LIFR: variants seen among roughly 807,000 people sequenced by gnomAD.
The protein encoded by LIFR is LIF receptor subunit alpha, also known as leukemia inhibitory factor receptor.
In LIFR, 84 loss-of-function variants were observed where a neutral mutation model predicts 122.2. That is an observed-to-expected ratio of 0.69 (90% CI 0.58 to 0.82). The LOEUF is 0.82. LIFR is among the 40% of genes least tolerant of loss of function. The probability of loss-of-function intolerance (pLI) is 0.00; values close to 1 mark genes in which losing one functional copy is unlikely to be tolerated. For missense variants in LIFR, 1,294 were observed against 1,311.6 expected (o/e 0.99, Z 0.21); for synonymous variants, 422 against 434.7 (o/e 0.97, Z 0.36).
At chr5:38,543,173 A>G (rs1432532778) in intron 1 of LIFR, among the ~76,000 whole-genome samples, 1 of 152,018 alleles carries the variant, frequency 6.6e-6, no homozygotes, top group Admixed American at 6.6e-5. Flanking sequence ...AAAGGTTAAT[A>G]AGAATGATAC....
intron 1 of LIFR, among the ~76,000 whole-genome samples, chr5:38,592,656 CAAAAA>C (rs3079290): frequency 8.6e-6 from 1 of 115,854 alleles, no homozygotes; most frequent in Non-Finnish European, 2.0e-5. Flanking sequence ...GACTCCGTCT[CAAAAA>C]AAAAAAAAAA....
intron 2 of LIFR, among the ~76,000 whole-genome samples, chr5:38,529,889 G>A (rs1419542745): frequency 1.3e-5 from 2 of 152,124 alleles, no homozygotes; most frequent in Non-Finnish European, 2.9e-5. Context: ...GTAATTTAAT[G>A]AATGACCTTG....
At position 38,502,702 on chromosome 5, in the gene LIFR, G is replaced by C. The variant is rs779024536; in HGVS notation, c.1535C>G (p.Ser512Cys). The part of the protein sequence containing the change: ...YTLYTFRIRC[S>C]TETFWKWSKW... ...GCTCCATTTCCAGAAAGTTTCAGTA[G>C]AACAACGAATCCGAAAAGTATATAG... The change falls in exon 11 of 20, where the codon TCT becomes TGT. Residue 512 changes from serine to cysteine, a missense_variant. Coordinates refer to ENST00000453190, the MANE Select transcript of LIFR (RefSeq NM_001127671.2). The C allele has an allele frequency of 6.2e-7, 1 of 1,613,076 alleles. No individual in the cohort carries two copies. The highest frequency in any genetic ancestry group is 1.1e-5 in the South Asian group (1 of 91,048).
intron 16 of LIFR, among the ~76,000 whole-genome samples, 196 bp from the exon 17 acceptor site, chr5:38,486,176 T>C (rs1389872694): frequency 2.0e-5 from 3 of 152,180 alleles, no homozygotes; most frequent in African/African-American, 4.8e-5. Context: ...GGGCCCCTTA[T>C]TTAAACCACT....
intron 2 of LIFR, among the ~76,000 whole-genome samples, chr5:38,602,761 T>C (rs3099122): frequency 0.62 from 94,907 of 151,916 alleles, 30,256 homozygotes; most frequent in African/African-American, 0.74. Context: ...AGGATCTTCT[T>C]CCCCCACCCA....
intron 1 of LIFR, among the ~76,000 whole-genome samples, chr5:38,549,343 C>T (rs1748073703): frequency 6.6e-6 from 1 of 151,938 alleles, no homozygotes; most frequent in Non-Finnish European, 1.5e-5. Flanking sequence ...TCTGCTTTTT[C>T]AGTTTACAAA....
chr5:38,532,359 G>C (rs1017654736), intron 1 of LIFR, among the ~76,000 whole-genome samples: 2 of 152,158 alleles, frequency 1.3e-5, no homozygotes, highest in Admixed American at 6.5e-5. Context: ...ATCCCTCCCT[G>C]CTTCAGCCTC....
chr5:38,555,689 C>T (rs1748483812), intron 1 of LIFR, among the ~76,000 whole-genome samples: 1 of 144,514 alleles, frequency 6.9e-6, no homozygotes, highest in South Asian at 2.3e-4. Flanking sequence ...TAAAAGACCT[C>T]ATATATTTTT....
chr5:38,514,449 T>C (rs1242928832), intron 5 of LIFR, among the ~76,000 whole-genome samples: 1 of 152,192 alleles, frequency 6.6e-6, no homozygotes, highest in Non-Finnish European at 1.5e-5. Context: ...AGAATAGACA[T>C]TTTCATAAAT....
chr5:38,573,078 C>G (rs1037466750), intron 1 of LIFR, among the ~76,000 whole-genome samples: 6 of 152,216 alleles, frequency 3.9e-5, no homozygotes, highest in Non-Finnish European at 7.3e-5. Flanking sequence ...GAGCAAAACC[C>G]TAGAGAGTCA....
chr5:38,523,297 GAAA>G, intron 5 of LIFR, 119 bp downstream of exon 5: 1 of 747,898 alleles, frequency 1.3e-6, no homozygotes, highest in Non-Finnish European at 2.3e-6. Context: ...AATGAACCCT[GAAA>G]GGTATCTGAT....
chr5:38,530,610 C>T lies in LIFR; in HGVS notation c.38G>A (p.Trp13Ter). Residue 13 changes from tryptophan (W) to a stop codon, truncating the protein, a stop_gained, in exon 2 of 20, where the codon TGG becomes TAG. Transcript: ENST00000453190. LOFTEE classifies it high-confidence loss of function. ...CCTCATTCTTTTATTGTCCACCATCCAGGATGGTCGTTTCAAACATACGTA... is the reference window on the plus strand; with the variant it reads ...CCTCATTCTTTTATTGTCCACCATCTAGGATGGTCGTTTCAAACATACGTA... ...DIYVCLKRPS[W>*]MVDNKRMRTA... The T allele has an allele frequency of 6.2e-7, 1 of 1,613,414 alleles. No individual in the cohort carries two copies. The highest frequency in any genetic ancestry group is 1.3e-5 in the African/African-American group (1 of 75,012).
chr5:38,607,852 T>A (rs1035610616), intron 1 of LIFR: 2 of 152,174 alleles, frequency 1.3e-5, no homozygotes, highest in Admixed American at 1.3e-4. Flanking sequence ...AGGAGTATAG[T>A]TAACAGGTGT....
intron 18 of LIFR, 28 bp from the exon 19 acceptor site, chr5:38,482,695 T>C (rs1284878646): frequency 3.3e-6 from 3 of 921,820 alleles, no homozygotes; most frequent in Non-Finnish European, 5.0e-6. Context: ...TTACAGTAAA[T>C]TTAATAGTTT....
intron 1 of LIFR, among the ~76,000 whole-genome samples, chr5:38,551,469 G>A (rs1748196017): frequency 6.6e-6 from 1 of 152,166 alleles, no homozygotes; most frequent in South Asian, 2.1e-4. Flanking sequence ...TCCACCAGAT[G>A]TTCCACAATT....
At chr5:38,508,008 C>A (rs1745591226) in intron 7 of LIFR, among the ~76,000 whole-genome samples, 1 of 151,866 alleles carries the variant, frequency 6.6e-6, no homozygotes, top group African/African-American at 2.4e-5. Context: ...TCTATTAAAA[C>A]CACATACCAA....
chr5:38,485,377 T>C (rs1744229962), intron 17 of LIFR, among the ~76,000 whole-genome samples: 1 of 152,194 alleles, frequency 6.6e-6, no homozygotes, highest in Non-Finnish European at 1.5e-5. Flanking sequence ...ATGATCGAAG[T>C]GAAGTTCTTT....
At chr5:38,607,833 G>T (rs150412150) in intron 1 of LIFR, 111 of 152,292 alleles carry the variant, frequency 7.3e-4, no homozygotes, top group African/African-American at 2.6e-3. Context: ...GGTGCATAGG[G>T]TTATATGTAG....
At position 38,481,333 on chromosome 5, in the gene LIFR, T is replaced by C. The variant is rs763998777; in HGVS notation, c.*262A>G. The stretch of plus-strand genomic sequence containing the variant: ...TTAGCCTTGAAATGCTTCTTGAAGG[T>C]AGAGTACATGAGAATTCTTTGGCTT... On this transcript the variant is annotated 3_prime_UTR_variant, in exon 20 of 20. Transcript: ENST00000453190. 32 of 531,882 alleles carry C rather than the reference T, an allele frequency of 6.0e-5. No homozygotes were observed. The highest frequency in any genetic ancestry group is 9.8e-5 in the Non-Finnish European group (29 of 295,302). 32.9% of individuals were successfully genotyped at this position (531,882 alleles called of 1,614,324 possible). A position where few individuals can be genotyped will look rare whatever the true frequency, so the allele number is the denominator to read the frequency against.
Sources: gnomAD v4.1 joint callset for allele counts (sites outside exome capture counted in the v4.1 genomes callset) on GRCh38, gnomAD v4.1.1 for gene constraint, MANE v1.5 for transcripts, NCBI Gene and HGNC (gene_info 2026-07-23, HGNC 2026-07-21) for gene names.